The following KLHL6 variants were observed in gnomAD, a reference collection of about 807,000 sequenced individuals.
KLHL6 encodes kelch-like protein 6.
In KLHL6, 41 loss-of-function variants were observed where a neutral mutation model predicts 58.6. The ratio of observed to expected loss-of-function variants is 0.70; its 90% CI spans 0.55 to 0.91. The LOEUF is 0.91. Among genes scored for constraint, KLHL6 ranks in the 40% least tolerant of loss-of-function variants. The pLI is 0.00. For missense variants in KLHL6, 714 were observed against 805.6 expected (o/e 0.89, Z 1.38); for synonymous variants, 338 against 322.7 (o/e 1.05, Z -0.51).
chr3:183,516,857 ATGAGATTAATAACATTTAAATT>A (rs1711582928), intron 2 of KLHL6, among the ~76,000 whole-genome samples: 1 of 152,226 alleles, frequency 6.6e-6, no homozygotes, highest in Admixed American at 6.5e-5. Flanking sequence ...TGAAGGTGTG[ATGAGATTAATAACATTTAAATT>A]TATTTCAAAG....
In KLHL6 at chr3:183,508,233, G is replaced by T; in HGVS notation, c.735C>A (p.His245Gln). 5 of 1,613,820 alleles carry T rather than the reference G, an allele frequency of 3.1e-6. No homozygotes were observed. In the Admixed American group the frequency reaches 6.7e-5, roughly 22 times the overall value. The change falls in exon 3 of 7, where the codon CAC (histidine) becomes CAA (glutamine). Residue 245 changes from histidine (H) to glutamine (Q), a missense_variant. Physicochemically the swap from His to Gln is conservative, Grantham distance 24 (BLOSUM62 0). Around this residue, in one of 2 missense-constraint regions of KLHL6, gnomAD observed 510 missense variants for 629.7 expected, o/e 0.81. Transcript: ENST00000341319. Reference sequence around the variant, plus strand: ...GTAAGCAGAGTCGTTCTGATGGCTTGTGCCGGACCCAGCTCATCACGGTCT... The same window carrying T: ...GTAAGCAGAGTCGTTCTGATGGCTTTTGCCGGACCCAGCTCATCACGGTCT... ...VFETVMSWVR[H>Q]KPSERLCLLP...
intron 1 of KLHL6, among the ~76,000 whole-genome samples, chr3:183,536,267 G>T (rs1436064373): frequency 6.6e-6 from 1 of 152,238 alleles, no homozygotes; most frequent in Admixed American, 6.5e-5. Flanking sequence ...GCCTGATCCT[G>T]CAGGGACCTC....
chr3:183,543,541 C>A (rs926220186), intron 1 of KLHL6, among the ~76,000 whole-genome samples: 7 of 152,198 alleles, frequency 4.6e-5, no homozygotes, highest in Non-Finnish European at 1.0e-4. Flanking sequence ...TCCCTAATCT[C>A]TGTTCTCTTC....
At chr3:183,505,643 G>C (rs1230611131) in intron 3 of KLHL6, among the ~76,000 whole-genome samples, 2 of 150,410 alleles carry the variant, frequency 1.3e-5, no homozygotes, top group African/African-American at 2.4e-5. Context: ...CCTCTAACCA[G>C]ATTGATCAGG....
At chr3:183,498,841 A>G (rs1717785138) in intron 4 of KLHL6, among the ~76,000 whole-genome samples, 2 of 152,236 alleles carry the variant, frequency 1.3e-5, no homozygotes, top group Admixed American at 1.3e-4. Flanking sequence ...GTAATGAAAA[A>G]GTATTGGGCC....
At chr3:183,519,137 T>C (rs1711655267) in intron 2 of KLHL6, among the ~76,000 whole-genome samples, 1 of 152,224 alleles carries the variant, frequency 6.6e-6, no homozygotes. Flanking sequence ...TGGCAGTTGC[T>C]CCACGTCCCC....
chr3:183,555,498 C>G lies in KLHL6; in HGVS notation c.156G>C (p.Ala52=), dbSNP rs772685034. The G allele has an allele frequency of 6.2e-7, 1 of 1,614,002 alleles. No homozygotes were observed. Among genetic ancestry groups the G allele is most frequent in the Admixed American group, 1.7e-5 (1 of 59,988 alleles). Residue 52 remains alanine, a synonymous_variant, in exon 1 of 7, where the codon GCG becomes GCC. Transcript: ENST00000341319. Reference sequence around the variant, plus strand: ...CATTCTGAAGAATTAAGGAGAGTCCCGCGTCGTCAAATTTGACCTTTTCCC... The same window carrying G: ...CATTCTGAAGAATTAAGGAGAGTCCGGCGTCGTCAAATTTGACCTTTTCCC... ...LNGEKVKFDD[A]GLSLILQNGL... is the part of the protein sequence containing the mutation.
At chr3:183,497,238 C>A (rs1438805464) in intron 4 of KLHL6, among the ~76,000 whole-genome samples, 1 of 152,164 alleles carries the variant, frequency 6.6e-6, no homozygotes, top group Non-Finnish European at 1.5e-5. Flanking sequence ...ATGGTGAAAC[C>A]CCCTCTCTAC....
chr3:183,527,599 T>G (rs1378184879), intron 2 of KLHL6, among the ~76,000 whole-genome samples: 7 of 152,186 alleles, frequency 4.6e-5, no homozygotes, highest in African/African-American at 1.7e-4. Flanking sequence ...CCTGGCTTCA[T>G]CTTATTAAGG....
chr3:183,554,675 CTA>C (rs1179354168), intron 1 of KLHL6, among the ~76,000 whole-genome samples: 1 of 152,224 alleles, frequency 6.6e-6, no homozygotes, highest in Non-Finnish European at 1.5e-5. Flanking sequence ...TCCTTTTTCT[CTA>C]TGTCTGTTGA....
At chr3:183,506,829 AAAATAAATAAATAAAT>A (rs144672351) in intron 3 of KLHL6, among the ~76,000 whole-genome samples, 4,830 of 143,788 alleles carry the variant, frequency 0.034, 97 homozygotes, top group Non-Finnish European at 0.051. Context: ...CCTCCTCTCA[AAAATAAATAAATAAAT>A]AAATAAATAA....
chr3:183,513,283 T>G (rs1455259994), intron 2 of KLHL6, among the ~76,000 whole-genome samples: 1 of 152,232 alleles, frequency 6.6e-6, no homozygotes, highest in Non-Finnish European at 1.5e-5. Flanking sequence ...TTATCATCCC[T>G]GAGGAAACCA....
chr3:183,490,933 G>C lies in KLHL6; in HGVS notation c.*994C>G, dbSNP rs76638143. Reference sequence around the variant, plus strand: ...ACCTATGAGATGTTCTTGGCAAGGAGCCCAAATGACTCCTTGGTTTAAATA... The same window carrying C: ...ACCTATGAGATGTTCTTGGCAAGGACCCCAAATGACTCCTTGGTTTAAATA... On this transcript the variant is annotated 3_prime_UTR_variant, in exon 7 of 7. Transcript: ENST00000341319. The C allele has an allele frequency of 6.6e-6, 1 of 152,168 alleles. No homozygotes were observed. The highest frequency in any genetic ancestry group is 1.5e-5 in the Non-Finnish European group (1 of 68,056). 9.4% of individuals were successfully genotyped at this position (152,168 alleles called of 1,614,324 possible).
intron 1 of KLHL6, among the ~76,000 whole-genome samples, chr3:183,550,190 T>C (rs1425367731): frequency 1.3e-5 from 2 of 151,982 alleles, no homozygotes. Context: ...TTCCAGAAAG[T>C]AAAACAGAAA....
chr3:183,508,041 C>T lies in KLHL6; in HGVS notation c.909+18G>A. The T allele has an allele frequency of 1.9e-6, 3 of 1,606,170 alleles. No individual in the cohort carries two copies. Among genetic ancestry groups the T allele is most frequent in the Non-Finnish European group, 2.6e-6 (3 of 1,174,406 alleles). ...TTACTTCGCTGGTTAAATATAGCAC[C>T]TCTTATCTTCTACTCACCTCATTGC... On this transcript the variant is annotated intron_variant, in intron 3 of 6. Transcript: ENST00000341319.
intron 1 of KLHL6, among the ~76,000 whole-genome samples, chr3:183,534,344 A>G (rs1033911777): frequency 6.6e-5 from 10 of 152,036 alleles, no homozygotes; most frequent in East Asian, 1.9e-4. Flanking sequence ...AGGCTGCCCA[A>G]TAGAAATGTA....
At chr3:183,540,026 T>C (rs1487842182) in intron 1 of KLHL6, among the ~76,000 whole-genome samples, 1 of 152,226 alleles carries the variant, frequency 6.6e-6, no homozygotes, top group Non-Finnish European at 1.5e-5. Context: ...ACAGTTTTTG[T>C]TTTGTCTGCC....
intron 2 of KLHL6, among the ~76,000 whole-genome samples, chr3:183,511,820 A>C (rs1718194709): frequency 6.6e-6 from 1 of 152,212 alleles, no homozygotes; most frequent in Admixed American, 6.5e-5. Context: ...ACAGATTAAC[A>C]GCATCTCAGG....
rs1294444586 is a variant in KLHL6, at chr3:183,531,447, T to TTTTTTG, written c.294-3438_294-3437insCAAAAA. ...TTCTGTTCTTTTTTTGTCTGTGTTT[T>TTTTTTG]TTTTTTTTTTTTTTTTTTTTGAGAT... On this transcript the variant is annotated intron_variant, in intron 1 of 6. Coordinates refer to ENST00000341319, the MANE Select transcript of KLHL6 (RefSeq NM_130446.4). 5.4e-3 allele frequency among the ~76,000 whole-genome samples: 683 copies of TTTTTTG among 126,206 alleles called. 24 individuals carry two copies. The highest frequency in any genetic ancestry group is 0.021 in the African/African-American group (611 of 29,022). The allele number at this position is 126,206 out of a possible 152,430, so 82.8% of individuals were successfully genotyped here. A position where few individuals can be genotyped will look rare whatever the true frequency, so the allele number is the denominator to read the frequency against.
Sources: gnomAD v4.1 joint callset for allele counts (sites outside exome capture counted in the v4.1 genomes callset) on GRCh38, gnomAD v4.1.1 for gene constraint, gnomAD v4.1.1 regional missense constraint, MANE v1.5 for transcripts, NCBI Gene and HGNC (gene_info 2026-07-23, HGNC 2026-07-21) for gene names.